Variants in C12orf75 observed in about 807,000 individuals in gnomAD.
C12orf75 encodes the protein overexpressed in colon carcinoma 1 protein.
C12orf75 carries 4 observed loss-of-function variants against 11.4 expected under a neutral mutation model. The ratio of observed to expected loss-of-function variants is 0.35; its 90% CI spans 0.17 to 0.80. C12orf75 has a LOEUF of 0.80. Among genes scored for constraint, C12orf75 ranks in the 30% least tolerant of loss-of-function variants. C12orf75 has a pLI of 0.52. For missense variants in C12orf75, 89 were observed against 80.4 expected (o/e 1.11, Z -0.41); for synonymous variants, 30 against 30.0 (o/e 1.00, Z 0.00).
At chr12:105,340,816 C>T (rs1178033270) in intron 1 of C12orf75, among the ~76,000 whole-genome samples, 1 of 151,882 alleles carries the variant, frequency 6.6e-6, no homozygotes, top group African/African-American at 2.4e-5. Context: ...ATGAGAGACA[C>T]AAGATGAGAA....
chr12:105,336,470 C>T (rs1472971792), intron 1 of C12orf75, among the ~76,000 whole-genome samples: 1 of 152,142 alleles, frequency 6.6e-6, no homozygotes, highest in African/African-American at 2.4e-5. Flanking sequence ...AACAGTGACT[C>T]GTATATTGTA....
chr12:105,357,698 A>G lies in C12orf75; in HGVS notation c.72-8109A>G, dbSNP rs546307363. Among the ~76,000 whole-genome samples the G allele has an allele frequency of 7.9e-5, 12 of 152,066 alleles. No homozygotes were observed. In the South Asian group the frequency reaches 2.5e-3, roughly 32 times the overall value. ...CTCGACTCATTCTTTCTCCTTGATC[A>G]CCTGTTCTTTGATAAAAGAAGCTAC... On this transcript the variant is annotated intron_variant, in intron 2 of 5. Transcript: ENST00000443585.
chr12:105,333,296 G>C (rs1271793428), intron 1 of C12orf75, among the ~76,000 whole-genome samples: 1 of 152,324 alleles, frequency 6.6e-6, no homozygotes, highest in South Asian at 2.1e-4. Context: ...ATCAGGATGA[G>C]AGATGTAAAG....
At chr12:105,346,144 C>G (rs573835642) in intron 1 of C12orf75, among the ~76,000 whole-genome samples, 1 of 152,146 alleles carries the variant, frequency 6.6e-6, no homozygotes, top group African/African-American at 2.4e-5. Flanking sequence ...CCACCTATCA[C>G]CTGGAAACAA....
chr12:105,347,446 G>A (rs151332850), intron 1 of C12orf75, among the ~76,000 whole-genome samples: 12 of 152,298 alleles, frequency 7.9e-5, no homozygotes, highest in East Asian at 5.8e-4. Context: ...AGGCCCATGA[G>A]CCCCTGGCAA....
At chr12:105,369,159 A>C (rs191391916) in intron 5 of C12orf75, among the ~76,000 whole-genome samples, 8 of 152,316 alleles carry the variant, frequency 5.3e-5, no homozygotes, top group Admixed American at 2.0e-4. Flanking sequence ...CCTAAGACGA[A>C]TCCCTTAACT....
chr12:105,357,839 G>GAC lies in C12orf75; in HGVS notation c.72-7967_72-7966insCA, dbSNP rs1451517099. ...GAGAGAGAGAGAGAGAGGAGAGAGA[G>GAC]AGAGACAGACAGACAGACAGACAGA... On this transcript the variant is annotated intron_variant, in intron 2 of 5. Transcript: ENST00000443585. Among the ~76,000 whole-genome samples the GAC allele has an allele frequency of 1.3e-3, 181 of 144,646 alleles. 2 individuals carry two copies. The highest frequency in any genetic ancestry group is 4.4e-3 in the African/African-American group (176 of 39,916). 94.9% of individuals were successfully genotyped at this position (144,646 alleles called of 152,430 possible).
At chr12:105,361,667 T>C (rs1227812484) in intron 2 of C12orf75, among the ~76,000 whole-genome samples, 1 of 152,158 alleles carries the variant, frequency 6.6e-6, no homozygotes, top group Non-Finnish European at 1.5e-5. Flanking sequence ...TTTATTGCTG[T>C]GTATTGACCC....
chr12:105,332,824 TG>T (rs1199107388), intron 1 of C12orf75, among the ~76,000 whole-genome samples: 2 of 144,356 alleles, frequency 1.4e-5, no homozygotes, highest in African/African-American at 5.0e-5. Flanking sequence ...AAATCAAATT[TG>T]GGGGGAAAAT....
rs1484710325 is a variant in C12orf75 at position 105,364,315 on chromosome 12, CACTT to C, written c.72-1491_72-1488del. Among the ~76,000 whole-genome samples the C allele has an allele frequency of 2.6e-5, 4 of 152,318 alleles. No homozygotes were observed. The East Asian group carries it at 7.7e-4, about 29-fold the overall frequency. ...CATAACACCATTAGTATGACTTTGA[CACTT>C]GAACTAAAAAAACAATCCAGCGTTA... On this transcript the variant is annotated intron_variant, in intron 2 of 5. Coordinates refer to ENST00000443585, the MANE Select transcript of C12orf75 (RefSeq NM_001145199.2).
chr12:105,338,769 A>G (rs989167967), intron 1 of C12orf75, among the ~76,000 whole-genome samples: 1 of 152,164 alleles, frequency 6.6e-6, no homozygotes, highest in African/African-American at 2.4e-5. Context: ...ATGACCAGCC[A>G]GCTCTCATGG....
In C12orf75 at chr12:105,330,787, C is replaced by G. The variant is rs1026617507; in HGVS notation, c.-105C>G. 4.4e-6 allele frequency: 5 copies of G among 1,142,860 alleles called. No homozygotes were observed. The African/African-American group carries it at 8.1e-5, about 18-fold the overall frequency. 70.8% of individuals were successfully genotyped at this position (1,142,860 alleles called of 1,614,324 possible). ...CCACTCGGTTCCTGGCCCCTCGCGG[C>G]CCCGTCAGCCTCCCGCTCGGGGTGC... On this transcript the variant is annotated 5_prime_UTR_variant, in exon 1 of 6. Coordinates refer to ENST00000443585, the MANE Select transcript of C12orf75 (RefSeq NM_001145199.2).
At chr12:105,365,420 A>G (rs1165841205) in intron 2 of C12orf75, among the ~76,000 whole-genome samples, 1 of 152,186 alleles carries the variant, frequency 6.6e-6, no homozygotes, top group African/African-American at 2.4e-5. Flanking sequence ...TATTTTACAA[A>G]TGAGACACAG....
intron 1 of C12orf75, among the ~76,000 whole-genome samples, chr12:105,342,411 A>G (rs1452409432): frequency 6.6e-6 from 1 of 152,222 alleles, no homozygotes; most frequent in African/African-American, 2.4e-5. Context: ...ATGAAGGAGC[A>G]TAAAGGCCCT....
intron 1 of C12orf75, among the ~76,000 whole-genome samples, chr12:105,342,279 C>T (rs983184697): frequency 2.6e-5 from 4 of 151,920 alleles, no homozygotes; most frequent in African/African-American, 7.3e-5. Flanking sequence ...AACTGGGGGA[C>T]GAATGGAATG....
chr12:105,365,766 T>TGTAA (rs1566143034), intron 2 of C12orf75, 41 bp from the exon 3 acceptor site: 1 of 1,459,144 alleles, frequency 6.9e-7, no homozygotes, highest in Non-Finnish European at 9.4e-7. Context: ...TCCCCGACTA[T>TGTAA]GTAACCAAGT....
intron 5 of C12orf75, among the ~76,000 whole-genome samples, chr12:105,369,889 A>C (rs1752806641): frequency 6.6e-6 from 1 of 152,196 alleles, no homozygotes; most frequent in Non-Finnish European, 1.5e-5. Flanking sequence ...GTTGGGCAGA[A>C]ACCCTGATGA....
intron 5 of C12orf75, among the ~76,000 whole-genome samples, chr12:105,368,201 A>G: frequency 6.6e-6 from 1 of 152,214 alleles, no homozygotes; most frequent in Non-Finnish European, 1.5e-5. Context: ...GACATGGAGC[A>G]GCATTTCCAT....
chr12:105,332,474 G>A (rs1892443172), intron 1 of C12orf75, among the ~76,000 whole-genome samples: 1 of 152,176 alleles, frequency 6.6e-6, no homozygotes, highest in South Asian at 2.1e-4. Flanking sequence ...TCATGCCTGT[G>A]TAATCCCAGC....
Sources: allele counts gnomAD v4.1 joint callset (sites outside exome capture counted in the v4.1 genomes callset), GRCh38; gene constraint gnomAD v4.1.1; transcripts MANE v1.5; gene names NCBI Gene and HGNC (gene_info 2026-07-23, HGNC 2026-07-21).